Variants in COQ3 observed in about 807,000 individuals in gnomAD.
COQ3 encodes the protein ubiquinone biosynthesis O-methyltransferase, mitochondrial.
COQ3 carries 29 observed loss-of-function variants against 33.1 expected under a neutral mutation model. That is an observed-to-expected ratio of 0.88 (90% confidence interval 0.65 to 1.19). COQ3 has a LOEUF of 1.19. Ranked by LOEUF, COQ3 falls within the 50% of genes most tolerant of loss-of-function variation. The probability of loss-of-function intolerance (pLI) is 0.00; values close to 1 mark genes in which losing one functional copy is unlikely to be tolerated. For missense variants in COQ3, 437 were observed against 430.7 expected (o/e 1.01, Z -0.13); for synonymous variants, 173 against 157.8 (o/e 1.10, Z -0.72).
At chr6:99,376,993 GATGT>G (rs1404486572) in intron 4 of COQ3, among the ~76,000 whole-genome samples, 1 of 107,878 alleles carries the variant, frequency 9.3e-6, no homozygotes, top group Non-Finnish European at 2.2e-5. Context: ...CAATATTATG[GATGT>G]GTGTGTGTGT....
At chr6:99,371,869 A>G (rs1774154198) in intron 5 of COQ3, among the ~76,000 whole-genome samples, 2 of 152,312 alleles carry the variant, frequency 1.3e-5, no homozygotes, top group Admixed American at 6.5e-5. Flanking sequence ...TCTTTTGTAC[A>G]TATCAAACAC....
intron 1 of COQ3, among the ~76,000 whole-genome samples, chr6:99,385,976 CAA>C (rs61403627): frequency 1.2e-3 from 114 of 97,690 alleles, no homozygotes; most frequent in African/African-American, 2.0e-3. Context: ...GACTCTGTCT[CAA>C]AAAAAAAAAA....
At chr6:99,383,106 C>T (rs2128472455) in intron 2 of COQ3, 1 of 152,636 alleles carries the variant, frequency 6.6e-6, no homozygotes, top group East Asian at 1.9e-4. Context: ...GTACTCCAGC[C>T]TGGGCAACAG....
In COQ3 at chr6:99,380,343, T is replaced by C. The variant is rs746803032; in HGVS notation, c.234-2A>G. ...CTGTACAGTCTCGCCCAAGGGTACC[T>C]AAAAGGTGAAAATGAAGAACCAAGC... On this transcript the variant is annotated splice_acceptor_variant, in intron 2 of 6. Coordinates refer to ENST00000254759, the MANE Select transcript of COQ3 (RefSeq NM_017421.4). LOFTEE classifies it high-confidence loss of function. The C allele has an allele frequency of 4.2e-5, 68 of 1,612,616 alleles. No individual in the cohort carries two copies. Among genetic ancestry groups the C allele is most frequent in the Non-Finnish European group, 4.9e-5 (58 of 1,179,306 alleles).
At chr6:99,393,042 A>G (rs981778563) in intron 1 of COQ3, among the ~76,000 whole-genome samples, 1 of 152,176 alleles carries the variant, frequency 6.6e-6, no homozygotes, top group African/African-American at 2.4e-5. Context: ...TATAAAAGAC[A>G]CATGTTTACT....
intron 1 of COQ3, among the ~76,000 whole-genome samples, chr6:99,389,942 C>T (rs942506832): frequency 1.3e-4 from 20 of 152,022 alleles, no homozygotes; most frequent in African/African-American, 4.8e-4. Context: ...GGCATTAGCC[C>T]GTCTCTACTA....
At chr6:99,376,231 T>C in intron 4 of COQ3, 49 bp from the exon 5 acceptor site, 1 of 1,579,838 alleles carries the variant, frequency 6.3e-7, no homozygotes, top group Non-Finnish European at 8.6e-7. Flanking sequence ...ATAGAGCACA[T>C]GTTAGCAATA....
At chr6:99,376,273 C>T (rs111595935) in intron 4 of COQ3, 91 bp from the exon 5 acceptor site, 1 of 1,364,440 alleles carries the variant, frequency 7.3e-7, no homozygotes. Flanking sequence ...CAAGATTAAC[C>T]ATGAGGTGAT....
chr6:99,386,812 T>C (rs1774665373), intron 1 of COQ3, among the ~76,000 whole-genome samples: 1 of 151,640 alleles, frequency 6.6e-6, no homozygotes, highest in South Asian at 2.1e-4. Context: ...GAAAAACAAA[T>C]CTCCAGTCTC....
rs201273942 is a variant in COQ3, at chr6:99,393,730, G to GT, written c.106+343dup. ...ACAAAGCTATGCATAACTACGAGGC[G>GT]TGAGTTATTCCTGCCCCGGCAAAGG... On this transcript the variant is annotated intron_variant, in intron 1 of 6. Transcript: ENST00000254759. Among the ~76,000 whole-genome samples, 1,125 of 152,342 alleles carry GT rather than the reference G, an allele frequency of 7.4e-3. 15 individuals carry two copies. The highest frequency in any genetic ancestry group is 0.026 in the African/African-American group (1,064 of 41,572).
At chr6:99,388,891 GCA>G (rs59478225) in intron 1 of COQ3, among the ~76,000 whole-genome samples, 7,174 of 106,184 alleles carry the variant, frequency 0.068, 547 homozygotes, top group African/African-American at 0.2. Flanking sequence ...ATGTATACAC[GCA>G]CACACACACA....
chr6:99,388,055 T>C (rs947364322), intron 1 of COQ3, among the ~76,000 whole-genome samples: 2 of 152,070 alleles, frequency 1.3e-5, no homozygotes, highest in African/African-American at 4.8e-5. Context: ...TCCCAGCTAC[T>C]CGGGAGGCTG....
intron 2 of COQ3, among the ~76,000 whole-genome samples, chr6:99,383,318 T>C (rs1182860967): frequency 1.3e-5 from 2 of 152,198 alleles, no homozygotes; most frequent in African/African-American, 4.8e-5. Flanking sequence ...AATTTTAAAA[T>C]ATTGTATTAG....
At chr6:99,372,268 C>T (rs1045760644) in intron 5 of COQ3, among the ~76,000 whole-genome samples, 2 of 151,854 alleles carry the variant, frequency 1.3e-5, no homozygotes, top group Non-Finnish European at 1.5e-5. Flanking sequence ...AGCTGGGCAT[C>T]GTGGTGAGTG....
chr6:99,387,784 A>C (rs1453126666), intron 1 of COQ3, among the ~76,000 whole-genome samples: 1 of 152,242 alleles, frequency 6.6e-6, no homozygotes, highest in East Asian at 1.9e-4. Context: ...GAATGTTAAG[A>C]AAGAAATTAA....
chr6:99,384,468 T>C (rs970523009), intron 1 of COQ3, among the ~76,000 whole-genome samples: 2 of 152,218 alleles, frequency 1.3e-5, no homozygotes, highest in African/African-American at 4.8e-5. Context: ...GTGTTATGTT[T>C]TAAACTAGGA....
chr6:99,386,305 C>G (rs1774653092), intron 1 of COQ3, among the ~76,000 whole-genome samples: 1 of 151,996 alleles, frequency 6.6e-6, no homozygotes, highest in Non-Finnish European at 1.5e-5. Flanking sequence ...TGGCACATGC[C>G]TGTAATTCCA....
intron 5 of COQ3, among the ~76,000 whole-genome samples, chr6:99,374,696 A>G (rs1026840605): frequency 6.6e-6 from 1 of 152,164 alleles, no homozygotes; most frequent in African/African-American, 2.4e-5. Flanking sequence ...GGAGAGAACC[A>G]AACTTGGAGT....
In COQ3 at chr6:99,380,196, A is replaced by G. The variant is rs371967196; in HGVS notation, c.379T>C (p.Phe127Leu). The G allele has an allele frequency of 9.3e-6, 15 of 1,613,390 alleles. No individual in the cohort carries two copies. Among genetic ancestry groups the G allele is most frequent in the African/African-American group, 5.3e-5 (4 of 75,022 alleles). ...GAGTTTCTGGAGTGTTACCTAATAA[A>G]TGGCACCCTCAGGTCATTCATGGAA... ...LHSMNDLRVP[F>L]IRDNLLKTIP... Residue 127 changes from phenylalanine to leucine, a missense_variant, in exon 3 of 7, where the codon TTT (phenylalanine) becomes CTT (leucine). Transcript: ENST00000254759.
Sources: allele counts gnomAD v4.1 joint callset (sites outside exome capture counted in the v4.1 genomes callset), GRCh38; gene constraint gnomAD v4.1.1; transcripts MANE v1.5; gene names NCBI Gene and HGNC (gene_info 2026-07-23, HGNC 2026-07-21).